The following ARHGAP5 variants were observed in gnomAD, a reference collection of about 807,000 sequenced individuals.
The protein encoded by ARHGAP5 is rho GTPase-activating protein 5.
In ARHGAP5, 23 loss-of-function variants were observed where a neutral mutation model predicts 116.6. The observed-to-expected ratio is 0.20, with a 90% CI of 0.14 to 0.28. The LOEUF is 0.28. ARHGAP5 is among the 10% of genes least tolerant of loss of function. The probability of loss-of-function intolerance (pLI) is 1.00; values close to 1 mark genes in which losing one functional copy is unlikely to be tolerated. For synonymous variants in ARHGAP5, 574 were observed against 602.0 expected (o/e 0.95, Z 0.68); for missense variants, 1,405 against 1,774.8 (o/e 0.79, Z 3.74).
At position 32,156,753 on chromosome 14, in the gene ARHGAP5, A is replaced by G. The variant is rs2139162436; in HGVS notation, c.*1805A>G. 6.6e-6 allele frequency: 1 copy of G among 152,506 alleles called. No individual in the cohort carries two copies. Among genetic ancestry groups the G allele is most frequent in the Middle Eastern group, 3.4e-3 (1 of 294 alleles). The allele number at this position is 152,506 out of a possible 1,614,324, so 9.4% of individuals were successfully genotyped here. A position where few individuals can be genotyped will look rare whatever the true frequency, so the allele number is the denominator to read the frequency against. On this transcript the variant is annotated 3_prime_UTR_variant, in exon 7 of 7. Coordinates refer to ENST00000345122, the MANE Select transcript of ARHGAP5 (RefSeq NM_001030055.2). ...ATTGGCATGTCTGGCAAAGAAAATTAAACTTTAAGAGTTTTATAAACTGTT... is the reference window on the plus strand; with the variant it reads ...ATTGGCATGTCTGGCAAAGAAAATTGAACTTTAAGAGTTTTATAAACTGTT...
At chr14:32,123,266 A>G (rs558023413) in intron 3 of ARHGAP5, among the ~76,000 whole-genome samples, 34 of 152,118 alleles carry the variant, frequency 2.2e-4, no homozygotes, top group African/African-American at 7.7e-4. Flanking sequence ...TCGAATTTGG[A>G]AAATTTGGGG....
chr14:32,092,436 T>G lies in ARHGAP5; in HGVS notation c.1767T>G (p.Asp589Glu), dbSNP rs1274081714. 1 of 1,613,824 alleles carries G rather than the reference T, an allele frequency of 6.2e-7. No homozygotes were observed. Among genetic ancestry groups the G allele is most frequent in the Admixed American group, 1.7e-5 (1 of 59,980 alleles). ...ATGGCCGCTTAAGATTATATCACGATAGTACCAATATAGATAAAGTTAACC... is the reference window on the plus strand; with the variant it reads ...ATGGCCGCTTAAGATTATATCACGAGAGTACCAATATAGATAAAGTTAACC... ...LDHGRLRLYH[D>E]STNIDKVNLF... Residue 589 changes from aspartate (D) to glutamate (E), a missense_variant, in exon 2 of 7, where the codon GAT becomes GAG. By Grantham distance (45) the Asp-to-Glu change is conservative. Transcript: ENST00000345122. This position sits in a 1 kb window ranked among gnomAD's most constrained non-coding sequence, Gnocchi z 4.1.
chr14:32,091,029 T>C lies in ARHGAP5; in HGVS notation c.360T>C (p.Ala120=). The C allele has an allele frequency of 9.9e-6, 16 of 1,613,710 alleles. No individual in the cohort carries two copies. Among genetic ancestry groups the C allele is most frequent in the Non-Finnish European group, 1.4e-5 (16 of 1,179,688 alleles). ...TGCAACCATATATAAAACGTGCAGCTGCATCTAAATTGCAGTCAGCAGAAA... is the reference window on the plus strand; with the variant it reads ...TGCAACCATATATAAAACGTGCAGCCGCATCTAAATTGCAGTCAGCAGAAA... ...TNLQPYIKRA[A]ASKLQSAEKL... Residue 120 remains alanine, a synonymous_variant, in exon 2 of 7, where the codon GCT becomes GCC. Coordinates refer to ENST00000345122, the MANE Select transcript of ARHGAP5 (RefSeq NM_001030055.2).
intron 3 of ARHGAP5, among the ~76,000 whole-genome samples, chr14:32,128,382 A>G (rs7157301): frequency 0.066 from 10,030 of 152,326 alleles, 1,071 homozygotes; most frequent in African/African-American, 0.22. Flanking sequence ...GCACTCCAGC[A>G]TGGGCTGGGC....
chr14:32,145,891 G>A, intron 3 of ARHGAP5, among the ~76,000 whole-genome samples: 1 of 152,102 alleles, frequency 6.6e-6, no homozygotes, highest in Admixed American at 6.5e-5. Flanking sequence ...TAACGAAATT[G>A]TACATAAGAT....
intron 3 of ARHGAP5, 23 bp from the exon 4 acceptor site, chr14:32,146,240 T>C: frequency 2.0e-6 from 3 of 1,536,132 alleles, no homozygotes; most frequent in Non-Finnish European, 2.7e-6. Flanking sequence ...TATTAAAGTA[T>C]GCATATTTCT....
intron 1 of ARHGAP5, among the ~76,000 whole-genome samples, chr14:32,081,734 ACT>A (rs958142844): frequency 3.4e-5 from 5 of 145,770 alleles, no homozygotes; most frequent in Admixed American, 1.4e-4. Context: ...CCTTGGAAAA[ACT>A]CTCACCTTGG....
At chr14:32,112,728 C>T (rs764596207) in intron 2 of ARHGAP5, among the ~76,000 whole-genome samples, 5 of 152,020 alleles carry the variant, frequency 3.3e-5, no homozygotes, top group African/African-American at 9.7e-5. Flanking sequence ...AAAAAATAGC[C>T]GGGCATGGTG....
chr14:32,116,575 A>G (rs1278088749), intron 2 of ARHGAP5, among the ~76,000 whole-genome samples: 2 of 152,220 alleles, frequency 1.3e-5, no homozygotes, highest in African/African-American at 4.8e-5. Flanking sequence ...TCTGGGCGAC[A>G]GAGTGAGACT....
intron 3 of ARHGAP5, among the ~76,000 whole-genome samples, chr14:32,134,981 G>C (rs1040228446): frequency 6.6e-6 from 1 of 151,848 alleles, no homozygotes; most frequent in African/African-American, 2.4e-5. Context: ...CCAGGCCTCA[G>C]GTATCTCATT....
At position 32,092,347 on chromosome 14, in the gene ARHGAP5, G is replaced by A. The variant is rs1424654203; in HGVS notation, c.1678G>A (p.Gly560Ser). The change falls in exon 2 of 7, where the codon GGC (glycine) becomes AGC (serine). Residue 560 changes from glycine (G) to serine (S), a missense_variant. Gly to Ser is a moderately conservative substitution (Grantham distance 56). Transcript: ENST00000345122. The surrounding 1 kb of genome is among the most constrained non-coding windows in gnomAD (Gnocchi z 4.1). ...TCCCACTAAAGAAACATGTCTTAGT[G>A]GCCAAAATTGTACAGACATTAAAGT... ...YHPTKETCLS[G>S]QNCTDIKVEQ... 6 of 1,613,600 alleles carry A rather than the reference G, an allele frequency of 3.7e-6. No individual in the cohort carries two copies. The African/African-American group carries it at 5.3e-5, about 14-fold the overall frequency.
At chr14:32,113,094 A>G (rs1879390413) in intron 2 of ARHGAP5, among the ~76,000 whole-genome samples, 1 of 152,232 alleles carries the variant, frequency 6.6e-6, no homozygotes, top group African/African-American at 2.4e-5. Context: ...AGTTACATAA[A>G]TCATTTTGAG....
chr14:32,108,896 C>A (rs1180207652), intron 2 of ARHGAP5, among the ~76,000 whole-genome samples: 1 of 152,070 alleles, frequency 6.6e-6, no homozygotes, highest in Non-Finnish European at 1.5e-5. Context: ...AATCAACATT[C>A]AGTGCTTATT....
At chr14:32,153,653 A>G (rs1248264406) in intron 6 of ARHGAP5, among the ~76,000 whole-genome samples, 1 of 151,368 alleles carries the variant, frequency 6.6e-6, no homozygotes, top group Non-Finnish European at 1.5e-5. Flanking sequence ...TAGTATTTTT[A>G]GTAGAGACAG....
At position 32,090,865 on chromosome 14, in the gene ARHGAP5, G is replaced by A. The variant is rs755193223; in HGVS notation, c.196G>A (p.Val66Ile). The A allele has an allele frequency of 6.2e-7, 1 of 1,613,606 alleles. No homozygotes were observed. The highest frequency in any genetic ancestry group is 8.5e-7 in the Non-Finnish European group (1 of 1,179,618). The change falls in exon 2 of 7, where the codon GTA becomes ATA. Residue 66 changes from valine (V) to isoleucine (I), a missense_variant. Val to Ile is a conservative substitution (Grantham distance 29). This residue lies in a region of ARHGAP5 where 190 missense variants were observed against 314.9 expected (regional missense o/e 0.60). Coordinates refer to ENST00000345122, the MANE Select transcript of ARHGAP5 (RefSeq NM_001030055.2). ...VLSTIDFGGR[V>I]VNNDHFLYWG... is the part of the protein sequence containing the mutation. Reference sequence around the variant, plus strand: ...TAGCACCATTGACTTTGGAGGACGAGTAGTAAACAATGATCACTTTTTGTA... The same window carrying A: ...TAGCACCATTGACTTTGGAGGACGAATAGTAAACAATGATCACTTTTTGTA...
intron 1 of ARHGAP5, 38 bp downstream of exon 1, chr14:32,077,473 G>A: frequency 1.5e-6 from 1 of 686,232 alleles, no homozygotes; most frequent in Non-Finnish European, 2.6e-6. Context: ...AAGCCTGCCT[G>A]CCCCCTCCCG....
intron 3 of ARHGAP5, among the ~76,000 whole-genome samples, chr14:32,133,586 C>A (rs1176466976): frequency 2.0e-5 from 3 of 152,116 alleles, no homozygotes; most frequent in Non-Finnish European, 4.4e-5. Flanking sequence ...CCTTCTCCTG[C>A]CTGATTGCCC....
intron 5 of ARHGAP5, among the ~76,000 whole-genome samples, chr14:32,150,534 G>A (rs889945911): frequency 3.3e-5 from 5 of 152,148 alleles, no homozygotes; most frequent in South Asian, 2.1e-4. Context: ...TTCCATGACC[G>A]AAGGTGGAAG....
At chr14:32,131,203 C>T (rs112072469) in intron 3 of ARHGAP5, among the ~76,000 whole-genome samples, 133 of 150,776 alleles carry the variant, frequency 8.8e-4, no homozygotes, top group African/African-American at 3.1e-3. Context: ...TTTGTTGTAT[C>T]AATCCAAGGT....
Sources: allele counts gnomAD v4.1 joint callset (sites outside exome capture counted in the v4.1 genomes callset), GRCh38; gene constraint gnomAD v4.1.1; regional missense constraint gnomAD v4.1.1; non-coding constraint Gnocchi (gnomAD v3.1); transcripts MANE v1.5; gene names NCBI Gene and HGNC (gene_info 2026-07-23, HGNC 2026-07-21).